SIM1: variants seen among roughly 807,000 people sequenced by gnomAD.
SIM1 encodes the protein single-minded homolog 1.
SIM1 carries 18 observed loss-of-function variants against 78.2 expected under a neutral mutation model. That is an observed-to-expected ratio of 0.23 (90% confidence interval 0.16 to 0.34). The LOEUF (loss-of-function observed/expected upper bound fraction) is 0.34. Ranked by LOEUF, SIM1 falls within the 10% of genes least tolerant of loss-of-function variation. The pLI, the probability that SIM1 is intolerant of heterozygous loss-of-function variation, is 1.00. For missense variants in SIM1, 939 were observed against 975.1 expected, an observed-to-expected ratio of 0.96 and a Z score of 0.49; for synonymous variants, 417 against 385.2, an observed-to-expected ratio of 1.08 and a Z score of -0.97.
At chr6:100,458,585 G>A (rs564174893) in intron 2 of SIM1, among the ~76,000 whole-genome samples, 85 of 152,318 alleles carry the variant, frequency 5.6e-4, no homozygotes, top group African/African-American at 1.9e-3. Flanking sequence ...CTCCTGGGCC[G>A]GCCTGGGGAG....
chr6:100,387,332 G>A lies in SIM1; in HGVS notation c.*3029C>T, dbSNP rs988308583. 5.3e-5 allele frequency: 8 copies of A among 151,910 alleles called. No individual in the cohort carries two copies. The highest frequency in any genetic ancestry group is 7.4e-5 in the Non-Finnish European group (5 of 67,912). 9.4% of individuals were successfully genotyped at this position (151,910 alleles called of 1,614,324 possible). A position where few individuals can be genotyped will look rare whatever the true frequency, so the allele number is the denominator to read the frequency against. On this transcript the variant is annotated 3_prime_UTR_variant, in exon 12 of 12. Coordinates refer to ENST00000369208, the MANE Select transcript of SIM1 (RefSeq NM_005068.3). ...ATTAAGTTTAACTGATTAAATTATC[G>A]GGAACGTAGTTATTTTATATACTAT...
At chr6:100,454,297 G>T (rs1413275558) in intron 2 of SIM1, among the ~76,000 whole-genome samples, 6 of 152,210 alleles carry the variant, frequency 3.9e-5, no homozygotes, top group Non-Finnish European at 5.9e-5. Context: ...GAGACGACCG[G>T]CCAGGTCCAA....
At chr6:100,413,033 T>A (rs772715224) in intron 10 of SIM1, among the ~76,000 whole-genome samples, 2 of 152,200 alleles carry the variant, frequency 1.3e-5, no homozygotes, top group Non-Finnish European at 2.9e-5. Context: ...CCAACTCCTG[T>A]CTCCAGATCA....
In SIM1 at chr6:100,394,240, G is replaced by C. The variant is rs372848636; in HGVS notation, c.1168-351C>G. Among the ~76,000 whole-genome samples the C allele has an allele frequency of 1.9e-4, 29 of 152,288 alleles. No homozygotes were observed. In the East Asian group the frequency reaches 4.4e-3, roughly 23 times the overall value. ...CTTAATGGCGCTATTAGTATCCCCA[G>C]TTTAGGGATAGAGAAGCTAACGCTC... On this transcript the variant is annotated intron_variant, in intron 10 of 11. Coordinates refer to ENST00000369208, the MANE Select transcript of SIM1 (RefSeq NM_005068.3).
chr6:100,449,212 C>G (rs1341587296), intron 6 of SIM1, 151 bp downstream of exon 6: 1 of 638,222 alleles, frequency 1.6e-6, no homozygotes. Flanking sequence ...TTCCGTGGCC[C>G]TCGTGGAGAG....
At chr6:100,405,729 C>A (rs74871596) in intron 10 of SIM1, among the ~76,000 whole-genome samples, 8,762 of 152,030 alleles carry the variant, frequency 0.058, 374 homozygotes, top group Non-Finnish European at 0.085. Context: ...CTTAATCCAC[C>A]CCACCCCCCA....
chr6:100,448,814 C>A, intron 6 of SIM1, 136 bp from the exon 7 acceptor site: 1 of 720,928 alleles, frequency 1.4e-6, no homozygotes, highest in Non-Finnish European at 2.2e-6. Flanking sequence ...CTAAGGAATC[C>A]AAAGTTACTG....
intron 10 of SIM1, among the ~76,000 whole-genome samples, chr6:100,395,804 G>A (rs1770752194): frequency 6.6e-6 from 1 of 152,174 alleles, no homozygotes; most frequent in African/African-American, 2.4e-5. Context: ...GTTGGGGACA[G>A]AGAGATGAAC....
chr6:100,391,511 A>G (rs796394716), intron 11 of SIM1, among the ~76,000 whole-genome samples: 1 of 152,340 alleles, frequency 6.6e-6, no homozygotes, highest in African/African-American at 2.4e-5. Flanking sequence ...TGCTTGAAAA[A>G]TGTTTTTGAT....
At chr6:100,442,997 G>T (rs1772254217) in intron 9 of SIM1, among the ~76,000 whole-genome samples, 1 of 151,886 alleles carries the variant, frequency 6.6e-6, no homozygotes, top group African/African-American at 2.4e-5. Flanking sequence ...AGTTGTTGTG[G>T]TTAACATACC....
intron 2 of SIM1, among the ~76,000 whole-genome samples, chr6:100,462,052 C>T (rs1170291218): frequency 1.3e-5 from 2 of 151,960 alleles, no homozygotes; most frequent in Non-Finnish European, 1.5e-5. Context: ...TAATTTGGAG[C>T]ATGTTTTGCA....
intron 10 of SIM1, among the ~76,000 whole-genome samples, chr6:100,406,820 C>T (rs1002816032): frequency 1.3e-5 from 2 of 151,642 alleles, no homozygotes; most frequent in Non-Finnish European, 3.0e-5. Context: ...CACATCGTTA[C>T]CTTTTGTGTG....
chr6:100,422,703 A>G lies in SIM1; in HGVS notation c.999-1745T>C, dbSNP rs1000609260. ...GTATTTTCACCACACACACACACAC[A>G]CGCACACATAATGATGAATATATGA... On this transcript the variant is annotated intron_variant, in intron 9 of 11. Coordinates refer to ENST00000369208, the MANE Select transcript of SIM1 (RefSeq NM_005068.3). Among the ~76,000 whole-genome samples the G allele has an allele frequency of 2.6e-5, 4 of 152,244 alleles. No individual in the cohort carries two copies. In the East Asian group the frequency reaches 5.8e-4, roughly 22 times the overall value.
intron 2 of SIM1, among the ~76,000 whole-genome samples, chr6:100,458,013 TCTCTCTCTCTCTCTCTCTC>T (rs1772722139): frequency 8.9e-4 from 11 of 12,406 alleles, no homozygotes; most frequent in East Asian, 4.5e-3. Flanking sequence ...TCTTTCTCTC[TCTCTCTCTCTCTCTCTCTC>T]TCTCTCTCTC....
At chr6:100,412,558 AG>A (rs1317532793) in intron 10 of SIM1, among the ~76,000 whole-genome samples, 1 of 27,378 alleles carries the variant, frequency 3.7e-5, no homozygotes, top group East Asian at 1.5e-3. Flanking sequence ...AAGAAAGAAA[AG>A]AAAGAAAGAA....
At chr6:100,391,499 G>T (rs1770638656) in intron 11 of SIM1, among the ~76,000 whole-genome samples, 1 of 152,196 alleles carries the variant, frequency 6.6e-6, no homozygotes, top group African/African-American at 2.4e-5. Flanking sequence ...ATGTTAAATT[G>T]ATGCTTGAAA....
In SIM1 at chr6:100,390,350, T is replaced by C. The variant is rs951083406; in HGVS notation, c.*11A>G. On this transcript the variant is annotated 3_prime_UTR_variant, in exon 12 of 12. Transcript: ENST00000369208. Reference sequence around the variant, plus strand: ...AGAGATCCTTAAAGAACAAAATATTTCAGCAAAACATCAGCTTCCGTTGGT... The same window carrying C: ...AGAGATCCTTAAAGAACAAAATATTCCAGCAAAACATCAGCTTCCGTTGGT... 3.7e-6 allele frequency: 6 copies of C among 1,604,880 alleles called. No homozygotes were observed. The highest frequency in any genetic ancestry group is 2.2e-5 in the East Asian group (1 of 44,818).
At position 100,393,557 on chromosome 6, in the gene SIM1, C is replaced by T. The variant is rs1315227102; in HGVS notation, c.1500G>A (p.Lys500=). The stretch of plus-strand genomic sequence containing the variant: ...AGGCTTCTCTGCTTTCTGGGGAGGC[C>T]TTTGTCAGGGGCAAGGCTGCGCGAG... The part of the protein sequence containing the change: ...WGSRAALPLT[K]ASPESREAYE... Residue 500 remains lysine (K), a synonymous_variant, in exon 11 of 12, where the codon AAG becomes AAA. Transcript: ENST00000369208. The T allele has an allele frequency of 1.2e-6, 2 of 1,606,956 alleles. No individual in the cohort carries two copies. Among genetic ancestry groups the T allele is most frequent in the Non-Finnish European group, 1.7e-6 (2 of 1,174,728 alleles).
chr6:100,429,689 CTTAA>C (rs1771851702), intron 9 of SIM1, among the ~76,000 whole-genome samples: 2 of 151,966 alleles, frequency 1.3e-5, no homozygotes. Flanking sequence ...TCTGCATTAC[CTTAA>C]TTTTTTCTCT....
Sources: gnomAD v4.1 joint callset for allele counts (sites outside exome capture counted in the v4.1 genomes callset) on GRCh38, gnomAD v4.1.1 for gene constraint, MANE v1.5 for transcripts, NCBI Gene and HGNC (gene_info 2026-07-23, HGNC 2026-07-21) for gene names.